The following SYT10 variants were observed in gnomAD, a reference collection of about 807,000 sequenced individuals.
SYT10 encodes synaptotagmin-10.
SYT10 carries 31 observed loss-of-function variants against 51.1 expected under a neutral mutation model. The ratio of observed to expected loss-of-function variants is 0.61; its 90% confidence interval spans 0.46 to 0.82. SYT10 has a LOEUF of 0.82. Ranked by LOEUF, SYT10 falls within the 40% of genes least tolerant of loss-of-function variation. The pLI is 0.00. For missense variants in SYT10, 603 were observed against 634.0 expected (o/e 0.95, Z 0.53); for synonymous variants, 233 against 225.9 (o/e 1.03, Z -0.28).
chr12:33,408,892 G>A (rs193195952), intron 2 of SYT10, among the ~76,000 whole-genome samples: 2 of 152,118 alleles, frequency 1.3e-5, no homozygotes, highest in East Asian at 3.9e-4. Context: ...TTTACCCATA[G>A]GATTTACTCA....
intron 3 of SYT10, among the ~76,000 whole-genome samples, chr12:33,394,472 G>A (rs1680517718): frequency 6.6e-6 from 1 of 152,106 alleles, no homozygotes; most frequent in African/African-American, 2.4e-5. Context: ...GAAGTAGCTG[G>A]GATATTAGCA....
At position 33,426,267 on chromosome 12, in the gene SYT10, A is replaced by G. The variant is rs1278847391; in HGVS notation, c.380T>C (p.Ile127Thr). The change falls in exon 2 of 7, where the codon ATT becomes ACT. Residue 127 changes from isoleucine to threonine, a missense_variant. By Grantham distance (89) the Ile-to-Thr change is moderately conservative. Transcript: ENST00000228567. ...KENEKPAVKA[I>T]EPAIKISHTS... ...GTGGCTGATTTTTATTGCAGGCTCA[A>G]TAGCTTTTACGGCTGGCTTTTCATT... 2 of 1,614,158 alleles carry G rather than the reference A, an allele frequency of 1.2e-6. No individual in the cohort carries two copies.
At chr12:33,430,168 A>T (rs142957176) in intron 1 of SYT10, among the ~76,000 whole-genome samples, 18 of 152,354 alleles carry the variant, frequency 1.2e-4, no homozygotes, top group African/African-American at 4.3e-4. Context: ...ATGCATAAAC[A>T]TTATTCTGCC....
intron 4 of SYT10, among the ~76,000 whole-genome samples, chr12:33,383,473 C>A (rs960562781): frequency 4.6e-5 from 7 of 151,962 alleles, no homozygotes; most frequent in African/African-American, 1.5e-4. Flanking sequence ...CAAAGTATTC[C>A]CATCAAGAAG....
rs1349706500 is a variant in SYT10 at position 33,376,113 on chromosome 12, T to C, written c.*717A>G. The C allele has an allele frequency of 6.6e-6, 1 of 152,194 alleles. No homozygotes were observed. Among genetic ancestry groups the C allele is most frequent in the Non-Finnish European group, 1.5e-5 (1 of 68,018 alleles). 9.4% of individuals were successfully genotyped at this position (152,194 alleles called of 1,614,324 possible). ...GTGCAACAGATATTTGAGCTAATGT[T>C]ACAGTAAAACAGTGTAAAATGGTAG... On this transcript the variant is annotated 3_prime_UTR_variant, in exon 7 of 7. Transcript: ENST00000228567.
At chr12:33,386,582 C>T (rs1169007485) in intron 3 of SYT10, among the ~76,000 whole-genome samples, 4 of 152,098 alleles carry the variant, frequency 2.6e-5, no homozygotes, top group African/African-American at 9.7e-5. Context: ...AGCATCTCTG[C>T]AGTGGGGTCT....
At chr12:33,421,150 T>C (rs60021869) in intron 2 of SYT10, among the ~76,000 whole-genome samples, 20,258 of 152,136 alleles carry the variant, frequency 0.13, 1,561 homozygotes, top group African/African-American at 0.19. Flanking sequence ...ATTTTTCTTA[T>C]AATAATGCAC....
chr12:33,434,798 T>G (rs1037883126), intron 1 of SYT10, among the ~76,000 whole-genome samples: 2 of 151,962 alleles, frequency 1.3e-5, no homozygotes, highest in Non-Finnish European at 2.9e-5. Flanking sequence ...ACAGTGAACC[T>G]CCATCTCAAA....
chr12:33,404,667 C>T (rs1300858643), intron 3 of SYT10, among the ~76,000 whole-genome samples: 2 of 152,148 alleles, frequency 1.3e-5, no homozygotes, highest in Non-Finnish European at 2.9e-5. Context: ...TTGGGAATTA[C>T]AGGCATGAGC....
chr12:33,422,053 T>C (rs190076927), intron 2 of SYT10, among the ~76,000 whole-genome samples: 1 of 151,800 alleles, frequency 6.6e-6, no homozygotes. Context: ...TTTGAGTTCC[T>C]ACAGTGCTTT....
At chr12:33,417,562 C>T (rs114032467) in intron 2 of SYT10, among the ~76,000 whole-genome samples, 2 of 152,208 alleles carry the variant, frequency 1.3e-5, no homozygotes, top group South Asian at 4.1e-4. Context: ...AATGTATCAA[C>T]ACAATAGTCT....
intron 2 of SYT10, among the ~76,000 whole-genome samples, chr12:33,416,901 A>T (rs551865913): frequency 3.3e-5 from 5 of 152,308 alleles, no homozygotes; most frequent in African/African-American, 1.2e-4. Context: ...AAGTGGAGGG[A>T]TTCGTTATAG....
intron 2 of SYT10, among the ~76,000 whole-genome samples, chr12:33,422,326 T>C (rs781339196): frequency 2.0e-4 from 30 of 152,136 alleles, no homozygotes; most frequent in Non-Finnish European, 2.8e-4. Flanking sequence ...CCTTTACACA[T>C]TTTCATGTTT....
intron 2 of SYT10, among the ~76,000 whole-genome samples, chr12:33,419,313 T>C (rs1866480470): frequency 6.6e-6 from 1 of 152,130 alleles, no homozygotes; most frequent in Non-Finnish European, 1.5e-5. Context: ...CAAATGTGTA[T>C]CAAATTTCAA....
chr12:33,425,038 T>A (rs1201937404), intron 2 of SYT10, among the ~76,000 whole-genome samples: 1 of 152,166 alleles, frequency 6.6e-6, no homozygotes, highest in Non-Finnish European at 1.5e-5. Context: ...AGAAGTGGAT[T>A]TATTTGTAGA....
chr12:33,386,410 T>C (rs543339021), intron 3 of SYT10, among the ~76,000 whole-genome samples: 1 of 152,190 alleles, frequency 6.6e-6, no homozygotes, highest in East Asian at 1.9e-4. Flanking sequence ...CAGACACAAA[T>C]GTCTTTCTGT....
chr12:33,388,984 C>G (rs1866180976), intron 3 of SYT10, among the ~76,000 whole-genome samples: 2 of 152,134 alleles, frequency 1.3e-5, no homozygotes, highest in Admixed American at 6.6e-5. Context: ...GCCTCCATAA[C>G]TAGAAGGTCT....
chr12:33,405,169 C>T (rs550149551), intron 3 of SYT10: 1 of 151,716 alleles, frequency 6.6e-6, no homozygotes, highest in South Asian at 2.1e-4. Context: ...TTAGAGCATG[C>T]CAAACATATA....
At chr12:33,432,998 T>C (rs1007743870) in intron 1 of SYT10, 2 of 152,068 alleles carry the variant, frequency 1.3e-5, no homozygotes, top group African/African-American at 4.8e-5. Flanking sequence ...TCCCCAATAG[T>C]CTATGTGAGG....
Sources: gnomAD v4.1 joint callset for allele counts (sites outside exome capture counted in the v4.1 genomes callset) on GRCh38, gnomAD v4.1.1 for gene constraint, MANE v1.5 for transcripts, NCBI Gene and HGNC (gene_info 2026-07-23, HGNC 2026-07-21) for gene names.